EHD2: variants seen among roughly 807,000 people sequenced by gnomAD.
EHD2 encodes EH domain containing 2.
EHD2 carries 27 observed loss-of-function variants against 41.0 expected under a neutral mutation model. The observed-to-expected ratio is 0.66, with a 90% CI of 0.49 to 0.91. The LOEUF is 0.91. EHD2 is among the 40% of genes least tolerant of loss of function. The pLI, the probability that EHD2 is intolerant of heterozygous loss-of-function variation, is 0.00. For synonymous variants in EHD2, 342 were observed against 341.0 expected, an observed-to-expected ratio of 1.00 and a Z score of -0.03; for missense variants, 673 against 773.9, an observed-to-expected ratio of 0.87 and a Z score of 1.55.
rs1973673203 is a variant in EHD2, at chr19:47,719,591, G to T, written c.502+985G>T. On this transcript the variant is annotated intron_variant, in intron 3 of 5. Transcript: ENST00000263277. The surrounding 1 kb of genome is among the most constrained non-coding windows in gnomAD (Gnocchi z 4.1). ...CTGGGGCAAAGGAGGCTGCTATGTG[G>T]GGCAGAGAGGATGGGAGGCCCTGGC... 6.6e-6 allele frequency among the ~76,000 whole-genome samples: 1 copy of T among 152,134 alleles called. No homozygotes were observed. The highest frequency in any genetic ancestry group is 1.5e-5 in the Non-Finnish European group (1 of 68,018).
rs1966999022 is a variant in EHD2, at chr19:47,742,222, T to C, written c.*790T>C. ...CCATTTCTTTCTTTCCTTCCTTCCTTCTTTTTTGTTTTTGCCCCCAGTTCT... is the reference window on the plus strand; with the variant it reads ...CCATTTCTTTCTTTCCTTCCTTCCTCCTTTTTTGTTTTTGCCCCCAGTTCT... On this transcript the variant is annotated 3_prime_UTR_variant, in exon 6 of 6. Coordinates refer to ENST00000263277, the MANE Select transcript of EHD2 (RefSeq NM_014601.4). 1 of 329,260 alleles carries C rather than the reference T, an allele frequency of 3.0e-6. No individual in the cohort carries two copies. The allele number at this position is 329,260 out of a possible 1,614,324, so 20.4% of individuals were successfully genotyped here.
At position 47,741,063 on chromosome 19, in the gene EHD2, G is replaced by T; in HGVS notation, c.1263G>T (p.Pro421=). 2 of 1,609,466 alleles carry T rather than the reference G, an allele frequency of 1.2e-6. No homozygotes were observed. Among genetic ancestry groups the T allele is most frequent in the Non-Finnish European group, 8.5e-7 (1 of 1,179,478 alleles). Reference sequence around the variant, plus strand: ...CTTTTGAGGGCACCCACATGGGCCCGTTTGTGGAGCGGGGACCTGACGAGG... The same window carrying T: ...CTTTTGAGGGCACCCACATGGGCCCTTTTGTGGAGCGGGGACCTGACGAGG... ...GGAFEGTHMG[P]FVERGPDEAM... is the part of the protein sequence containing the mutation. The change falls in exon 6 of 6, where the codon CCG becomes CCT. Residue 421 remains proline (P), a synonymous_variant. Transcript: ENST00000263277. This position sits in a 1 kb window ranked among gnomAD's most constrained non-coding sequence, Gnocchi z 4.5.
rs1177122067 is a variant in EHD2, at chr19:47,742,528, T to A, written c.*1096T>A. The A allele has an allele frequency of 6.4e-6, 1 of 155,822 alleles. No homozygotes were observed. The highest frequency in any genetic ancestry group is 2.4e-5 in the African/African-American group (1 of 41,474). 9.7% of individuals were successfully genotyped at this position (155,822 alleles called of 1,614,324 possible). A position where few individuals can be genotyped will look rare whatever the true frequency, so the allele number is the denominator to read the frequency against. On this transcript the variant is annotated 3_prime_UTR_variant, in exon 6 of 6. Transcript: ENST00000263277. ...CTCAGGTGATCTGCTCGCCTTGGCC[T>A]CCCAAAGTGATGGGATTACAGGCAT...
chr19:47,741,653 C>G lies in EHD2; in HGVS notation c.*221C>G, dbSNP rs1171257927. ...TCCGCCCTTCACACCTCCAGCCTCA[C>G]GTTCACTTAGGCACATCACACACAC... is the stretch of plus-strand genomic sequence containing the variant. On this transcript the variant is annotated 3_prime_UTR_variant, in exon 6 of 6. Coordinates refer to ENST00000263277, the MANE Select transcript of EHD2 (RefSeq NM_014601.4). The surrounding 1 kb of genome is among the most constrained non-coding windows in gnomAD (Gnocchi z 4.5). 1 of 624,492 alleles carries G rather than the reference C, an allele frequency of 1.6e-6. No homozygotes were observed. The highest frequency in any genetic ancestry group is 2.8e-6 in the Non-Finnish European group (1 of 353,574). 38.7% of individuals were successfully genotyped at this position (624,492 alleles called of 1,614,324 possible).
At chr19:47,734,955 G>C (rs770104638) in intron 4 of EHD2, among the ~76,000 whole-genome samples, 3 of 150,996 alleles carry the variant, frequency 2.0e-5, no homozygotes, top group Non-Finnish European at 4.4e-5. Flanking sequence ...CGGGAGGCCA[G>C]GGCAGGAGGA....
At chr19:47,723,781 G>T (rs1973722232) in intron 3 of EHD2, among the ~76,000 whole-genome samples, 1 of 151,670 alleles carries the variant, frequency 6.6e-6, no homozygotes, top group South Asian at 2.1e-4. Flanking sequence ...GGGCTCAAGT[G>T]ATCCTCTTGC....
intron 5 of EHD2, among the ~76,000 whole-genome samples, chr19:47,738,653 T>C (rs1001194987): frequency 9.2e-5 from 14 of 152,220 alleles, no homozygotes; most frequent in Non-Finnish European, 1.9e-4. Context: ...GTGGCTGCCA[T>C]ACTGGACAGG....
At chr19:47,723,336 T>G (rs1973716632) in intron 3 of EHD2, among the ~76,000 whole-genome samples, 1 of 152,096 alleles carries the variant, frequency 6.6e-6, no homozygotes, top group Non-Finnish European at 1.5e-5. Context: ...AAAAAACAGT[T>G]TCATTGAGGA....
intron 4 of EHD2, chr19:47,726,428 G>A (rs1973753257): frequency 1.0e-5 from 5 of 483,754 alleles, no homozygotes; most frequent in East Asian, 3.4e-5. Context: ...TGTCAACTCC[G>A]TGTCACCCTG....
At chr19:47,735,034 A>G (rs1039297600) in intron 4 of EHD2, among the ~76,000 whole-genome samples, 1 of 152,224 alleles carries the variant, frequency 6.6e-6, no homozygotes, top group Non-Finnish European at 1.5e-5. Context: ...CCTGGGTGAC[A>G]GAGTGAGTGA....
At chr19:47,731,440 G>A (rs944615901) in intron 4 of EHD2, 1 of 150,252 alleles carries the variant, frequency 6.7e-6, no homozygotes, top group Non-Finnish European at 1.5e-5. Flanking sequence ...TTTCCGAGTA[G>A]CTGGGACTCC....
At chr19:47,720,113 CTGTG>C (rs57860524) in intron 3 of EHD2, among the ~76,000 whole-genome samples, 1 of 147,808 alleles carries the variant, frequency 6.8e-6, no homozygotes, top group South Asian at 2.2e-4. Context: ...GTACATGCCT[CTGTG>C]TGTGTGTGTG....
rs752410169 is a variant in EHD2, at chr19:47,741,339, C to T, written c.1539C>T (p.Ile513=). ...DEEFALASHL[I]EAKLEGHGLP... ...AGTTCGCGCTGGCCAGCCACCTCAT[C>T]GAGGCCAAGCTGGAAGGCCACGGGC... Residue 513 remains isoleucine (I), a synonymous_variant, in exon 6 of 6, where the codon ATC becomes ATT. Coordinates refer to ENST00000263277, the MANE Select transcript of EHD2 (RefSeq NM_014601.4). This position sits in a 1 kb window ranked among gnomAD's most constrained non-coding sequence, Gnocchi z 4.5. 39 of 1,612,110 alleles carry T rather than the reference C, an allele frequency of 2.4e-5. No individual in the cohort carries two copies. The East Asian group carries it at 2.7e-4, about 11-fold the overall frequency.
Position 47,714,007 on chromosome 19 carries a change from C to T in EHD2, c.-56+469C>T, listed in dbSNP as rs537977314. Among the ~76,000 whole-genome samples, 17 of 152,248 alleles carry T rather than the reference C, an allele frequency of 1.1e-4. No homozygotes were observed. The South Asian group carries it at 3.5e-3, about 32-fold the overall frequency. On this transcript the variant is annotated intron_variant, in intron 1 of 5. Coordinates refer to ENST00000263277, the MANE Select transcript of EHD2 (RefSeq NM_014601.4). ...CACCGCCCAGAGCCCTCTCCCTCTG[C>T]CCACATCCCAGATCCTGCCTCTCTT...
At chr19:47,728,653 C>T (rs1973777722) in intron 4 of EHD2, among the ~76,000 whole-genome samples, 1 of 150,946 alleles carries the variant, frequency 6.6e-6, no homozygotes, top group African/African-American at 2.4e-5. Flanking sequence ...ACTGCAACCT[C>T]CACCTCCCGG....
chr19:47,734,180 AG>A (rs1294624292), intron 4 of EHD2, among the ~76,000 whole-genome samples: 1 of 152,090 alleles, frequency 6.6e-6, no homozygotes, highest in Non-Finnish European at 1.5e-5. Context: ...AATGAGAAGC[AG>A]GGGAGAGGCT....
chr19:47,718,834 G>A (rs56911005), intron 3 of EHD2, among the ~76,000 whole-genome samples: 3 of 146,930 alleles, frequency 2.0e-5, no homozygotes, highest in African/African-American at 7.6e-5. Flanking sequence ...CTGGGGGCCT[G>A]GACTCCTGGG....
rs775649453 is a variant in EHD2, at chr19:47,725,795, C to T, written c.503-17C>T. The T allele has an allele frequency of 1.9e-6, 3 of 1,564,166 alleles. No homozygotes were observed. The highest frequency in any genetic ancestry group is 1.8e-5 in the Admixed American group (1 of 56,214). ...ATTTCTGCCCCTTGCGCCCCTGTCT[C>T]TCCACTCCCACTCCAGGCTACGACT... On this transcript the variant is annotated splice_polypyrimidine_tract_variant and intron_variant, in intron 3 of 5. Coordinates refer to ENST00000263277, the MANE Select transcript of EHD2 (RefSeq NM_014601.4).
chr19:47,722,232 C>T (rs1386386525), intron 3 of EHD2, among the ~76,000 whole-genome samples: 1 of 152,072 alleles, frequency 6.6e-6, no homozygotes, highest in African/African-American at 2.4e-5. Flanking sequence ...TCCTTTTTGC[C>T]ACGTCTCCCA....
Sources: allele counts gnomAD v4.1 joint callset (sites outside exome capture counted in the v4.1 genomes callset), GRCh38; gene constraint gnomAD v4.1.1; non-coding constraint Gnocchi (gnomAD v3.1); transcripts MANE v1.5; gene names NCBI Gene and HGNC (gene_info 2026-07-23, HGNC 2026-07-21).